RPS28: variants seen among roughly 807,000 people sequenced by gnomAD.
The protein encoded by RPS28 is ribosomal protein S28.
A neutral mutation model predicts 9.4 loss-of-function variants in RPS28; 2 were observed. The ratio of observed to expected loss-of-function variants is 0.21; its 90% CI spans 0.09 to 0.67. The LOEUF (loss-of-function observed/expected upper bound fraction) is 0.67. Ranked by LOEUF, RPS28 falls within the 30% of genes least tolerant of loss-of-function variation. The probability of loss-of-function intolerance (pLI) is 0.82; values close to 1 mark genes in which losing one functional copy is unlikely to be tolerated. For missense variants in RPS28, 35 were observed against 95.3 expected, an observed-to-expected ratio of 0.37 and a Z score of 2.63; for synonymous variants, 41 against 37.8, an observed-to-expected ratio of 1.08 and a Z score of -0.31.
Position 8,321,968 on chromosome 19 carries a change from A to G in RPS28, c.103A>G (p.Met35Val), listed in dbSNP as rs1220090579. 6.2e-7 allele frequency: 1 copy of G among 1,610,512 alleles called. No homozygotes were observed. Residue 35 changes from methionine to valine, a missense_variant, in exon 3 of 4, where the codon ATG becomes GTG. Met to Val is a conservative substitution (Grantham distance 21). Around this residue, in one of 2 missense-constraint regions of RPS28, gnomAD observed 10 missense variants for 62.8 expected, o/e 0.16. Transcript: ENST00000600659. Reference protein sequence around the residue: ...GQCTQVRVEFMDDTSRSIIRN... With the variant: ...GQCTQVRVEFVDDTSRSIIRN... ...GGACCCGTAGGTGCGCGTGGAATTCATGGACGACACGAGCCGATCCATCAT... is the reference window on the plus strand; with the variant it reads ...GGACCCGTAGGTGCGCGTGGAATTCGTGGACGACACGAGCCGATCCATCAT...
chr19:8,322,433 TC>T lies in RPS28; in HGVS notation c.*180del, dbSNP rs2145405613. On this transcript the variant is annotated 3_prime_UTR_variant, in exon 4 of 4. Coordinates refer to ENST00000600659, the MANE Select transcript of RPS28 (RefSeq NM_001031.5). ...GTCTGGGTTATACGACTAGGGTTTC[TC>T]CAGGTTTCTTGAGTGGCTCCCAGGC... 2 of 539,804 alleles carry T rather than the reference TC, an allele frequency of 3.7e-6. No individual in the cohort carries two copies. Among genetic ancestry groups the T allele is most frequent in the East Asian group, 9.2e-5 (2 of 21,710 alleles). The allele number at this position is 539,804 out of a possible 1,614,324, so 33.4% of individuals were successfully genotyped here. A position where few individuals can be genotyped will look rare whatever the true frequency, so the allele number is the denominator to read the frequency against.
chr19:8,321,645 C>G lies in RPS28; in HGVS notation c.40-11C>G, dbSNP rs1451421367. The stretch of plus-strand genomic sequence containing the variant: ...AACGGGCCGGGTCTGAACCCAGCTT[C>G]TTTCCTCCAGGTCACCAAGGTCCTG... On this transcript the variant is annotated splice_polypyrimidine_tract_variant and intron_variant, in intron 1 of 3. Transcript: ENST00000600659. The G allele has an allele frequency of 6.4e-7, 1 of 1,556,198 alleles. No individual in the cohort carries two copies. Among genetic ancestry groups the G allele is most frequent in the Non-Finnish European group, 8.7e-7 (1 of 1,150,694 alleles).
At chr19:8,321,923 T>C (rs1301147457) in intron 2 of RPS28, 30 bp from the exon 3 acceptor site, 1 of 1,610,734 alleles carries the variant, frequency 6.2e-7, no homozygotes, top group East Asian at 2.2e-5. Flanking sequence ...CCGCCCTTAC[T>C]TCTTCCTCCA....
At position 8,322,755 on chromosome 19, in the gene RPS28, C is replaced by T; in HGVS notation, c.*500C>T. 2 of 1,055,434 alleles carry T rather than the reference C, an allele frequency of 1.9e-6. No individual in the cohort carries two copies. Among genetic ancestry groups the T allele is most frequent in the Non-Finnish European group, 1.4e-6 (1 of 701,522 alleles). 65.4% of individuals were successfully genotyped at this position (1,055,434 alleles called of 1,614,324 possible). A position where few individuals can be genotyped will look rare whatever the true frequency, so the allele number is the denominator to read the frequency against. ...AGTGTTAGCCTCTGAGCAGGGGACC[C>T]TGGACCCTTCTGTGCGCCAAAGGCT... On this transcript the variant is annotated 3_prime_UTR_variant, in exon 4 of 4. Coordinates refer to ENST00000600659, the MANE Select transcript of RPS28 (RefSeq NM_001031.5).
In RPS28 at chr19:8,322,377, G is replaced by A; in HGVS notation, c.*122G>A. On this transcript the variant is annotated 3_prime_UTR_variant, in exon 4 of 4. Transcript: ENST00000600659. Reference sequence around the variant, plus strand: ...TAACTGAGATGCTCCTTTAAATAAAGCGTTTGTGTTTCAAGTTAACTCAGG... The same window carrying A: ...TAACTGAGATGCTCCTTTAAATAAAACGTTTGTGTTTCAAGTTAACTCAGG... The A allele has an allele frequency of 1.7e-6, 1 of 587,768 alleles. No individual in the cohort carries two copies. The highest frequency in any genetic ancestry group is 1.8e-5 in the African/African-American group (1 of 54,618). 36.4% of individuals were successfully genotyped at this position (587,768 alleles called of 1,614,324 possible).
Position 8,322,899 on chromosome 19 carries a change from C to G in RPS28, c.*644C>G, listed in dbSNP as rs753750184. The G allele has an allele frequency of 6.4e-7, 1 of 1,554,984 alleles. No homozygotes were observed. Among genetic ancestry groups the G allele is most frequent in the East Asian group, 2.4e-5 (1 of 42,430 alleles). On this transcript the variant is annotated 3_prime_UTR_variant, in exon 4 of 4. Transcript: ENST00000600659. ...ATTCTCCTTCACCAGGTGTGGCTGTCTGGGAGCCAGGGGGTGACTCGCTCT... is the reference window on the plus strand; with the variant it reads ...ATTCTCCTTCACCAGGTGTGGCTGTGTGGGAGCCAGGGGGTGACTCGCTCT...
Position 8,322,326 on chromosome 19 carries a change from T to G in RPS28, c.*71T>G, listed in dbSNP as rs914966744. On this transcript the variant is annotated 3_prime_UTR_variant, in exon 4 of 4. Transcript: ENST00000600659. ...CCGATGGGAATGGTCTGTCACAGTC[T>G]GCTCCTTTTTTTTGTCCGCCACACG... The G allele has an allele frequency of 4.5e-6, 3 of 660,062 alleles. No homozygotes were observed. The Admixed American group carries it at 6.2e-5, about 14-fold the overall frequency. 40.9% of individuals were successfully genotyped at this position (660,062 alleles called of 1,614,324 possible).
rs17160415 is a variant in RPS28, at chr19:8,321,804, C to G, written c.87+101C>G. The G allele has an allele frequency of 2.6e-4, 391 of 1,507,104 alleles. 4 individuals are homozygous for G. The East Asian group carries it at 8.9e-3, about 34-fold the overall frequency. The allele number at this position is 1,507,104 out of a possible 1,614,324, so 93.4% of individuals were successfully genotyped here. ...GCCAGCCGGAATCCGGGAGCCGATT[C>G]TCATTTCATCACGGGGTTCTGATGG... On this transcript the variant is annotated intron_variant, in intron 2 of 3. Transcript: ENST00000600659.
In RPS28 at chr19:8,323,019, C is replaced by T; in HGVS notation, c.*764C>T. On this transcript the variant is annotated 3_prime_UTR_variant, in exon 4 of 4. Transcript: ENST00000600659. ...CCTCACTTAGTGGAGGTTCTTTTAC[C>T]ATGGACCCAGGCTGCCTGGTTTGTA... The T allele has an allele frequency of 1.4e-6, 1 of 690,682 alleles. No homozygotes were observed. Among genetic ancestry groups the T allele is most frequent in the East Asian group, 3.1e-5 (1 of 32,092 alleles). 42.8% of individuals were successfully genotyped at this position (690,682 alleles called of 1,614,324 possible).
In RPS28 at chr19:8,322,863, A is replaced by G. The variant is rs1232668327; in HGVS notation, c.*608A>G. The G allele has an allele frequency of 1.3e-6, 2 of 1,597,312 alleles. No individual in the cohort carries two copies. The highest frequency in any genetic ancestry group is 1.1e-5 in the South Asian group (1 of 89,180). On this transcript the variant is annotated 3_prime_UTR_variant, in exon 4 of 4. Coordinates refer to ENST00000600659, the MANE Select transcript of RPS28 (RefSeq NM_001031.5). ...CTTACTGAACCTGGGGGTTCTCTCCATTGTCACCGCATTCTCCTTCACCAG... is the reference window on the plus strand; with the variant it reads ...CTTACTGAACCTGGGGGTTCTCTCCGTTGTCACCGCATTCTCCTTCACCAG...
At position 8,322,938 on chromosome 19, in the gene RPS28, A is replaced by G; in HGVS notation, c.*683A>G. The G allele has an allele frequency of 1.4e-6, 2 of 1,399,546 alleles. No individual in the cohort carries two copies. The highest frequency in any genetic ancestry group is 1.9e-6 in the Non-Finnish European group (2 of 1,037,622). 86.7% of individuals were successfully genotyped at this position (1,399,546 alleles called of 1,614,324 possible). A position where few individuals can be genotyped will look rare whatever the true frequency, so the allele number is the denominator to read the frequency against. On this transcript the variant is annotated 3_prime_UTR_variant, in exon 4 of 4. Transcript: ENST00000600659. ...GTGACTCGCTCTGGAGAGAGGGGAA[A>G]AGAGGGGGGCCTGCTGCAATCTCCT...
chr19:8,321,692 C>T lies in RPS28; in HGVS notation c.76C>T (p.Gln26Ter). The T allele has an allele frequency of 6.4e-7, 1 of 1,564,254 alleles. No homozygotes were observed. The highest frequency in any genetic ancestry group is 8.7e-7 in the Non-Finnish European group (1 of 1,154,220). The change falls in exon 2 of 4, where the codon CAG becomes TAG. Residue 26 changes from glutamine (Q) to a stop codon, truncating the protein, a stop_gained. Coordinates refer to ENST00000600659, the MANE Select transcript of RPS28 (RefSeq NM_001031.5). LOFTEE classifies it high-confidence loss of function. ...CCTGGGCAGGACCGGTTCTCAGGGA[C>T]AGTGCACGCAGGTAATCGGGTGGGG... is the stretch of plus-strand genomic sequence containing the variant. ...KVLGRTGSQG[Q>*]CTQVRVEFMD... is the part of the protein sequence containing the mutation.
chr19:8,321,775 C>T (rs954058660), intron 2 of RPS28, 72 bp downstream of exon 2: 3 of 1,520,518 alleles, frequency 2.0e-6, no homozygotes, highest in Non-Finnish European at 2.7e-6. Context: ...CTGCCCTAAC[C>T]CCTGCCAGCC....
At chr19:8,322,149 G>C in intron 3 of RPS28, 58 bp downstream of exon 3, 1 of 1,572,436 alleles carries the variant, frequency 6.4e-7, no homozygotes, top group Non-Finnish European at 8.7e-7. Context: ...GGGAGGCTTC[G>C]TTAAGCCCAG....
rs528844612 is a variant in RPS28 at position 8,322,629 on chromosome 19, A to T, written c.*374A>T. 23 of 592,892 alleles carry T rather than the reference A, an allele frequency of 3.9e-5. No individual in the cohort carries two copies. The East Asian group carries it at 6.5e-4, about 17-fold the overall frequency. 36.7% of individuals were successfully genotyped at this position (592,892 alleles called of 1,614,324 possible). ...CAAAGAAGTTTCAGAGAGTGGGTGGATCAGGGCTCTATCACTTGGTCCCCA... is the reference window on the plus strand; with the variant it reads ...CAAAGAAGTTTCAGAGAGTGGGTGGTTCAGGGCTCTATCACTTGGTCCCCA... On this transcript the variant is annotated 3_prime_UTR_variant, in exon 4 of 4. Coordinates refer to ENST00000600659, the MANE Select transcript of RPS28 (RefSeq NM_001031.5).
At chr19:8,322,200 G>A (rs1970328748) in intron 3 of RPS28, 72 bp from the exon 4 acceptor site, 1 of 1,241,422 alleles carries the variant, frequency 8.1e-7, no homozygotes, top group Non-Finnish European at 1.2e-6. Flanking sequence ...TACAGAGACT[G>A]ACAAGAGGGA....
chr19:8,321,833 C>T (rs1485446124), intron 2 of RPS28, 120 bp from the exon 3 acceptor site: 6 of 1,513,512 alleles, frequency 4.0e-6, no homozygotes, highest in Non-Finnish European at 5.4e-6. Context: ...CTGATGGTTC[C>T]CTTTAACGAT....
rs746583109 is a variant in RPS28, at chr19:8,321,505, C to T, written c.-26C>T. The T allele has an allele frequency of 5.7e-6, 9 of 1,571,644 alleles. No individual in the cohort carries two copies. In the East Asian group the frequency reaches 9.3e-5, roughly 16 times the overall value. On this transcript the variant is annotated 5_prime_UTR_variant, in exon 1 of 4. Transcript: ENST00000600659. ...CTCCCCGAAGCACGTGACTCCTCTC[C>T]GCCAGACCGCCGCCGCGCCGCCATC...
chr19:8,321,693 A>C lies in RPS28; in HGVS notation c.77A>C (p.Gln26Pro). The C allele has an allele frequency of 6.4e-7, 1 of 1,564,374 alleles. No homozygotes were observed. The highest frequency in any genetic ancestry group is 8.7e-7 in the Non-Finnish European group (1 of 1,154,206). Residue 26 changes from glutamine to proline, a missense_variant, in exon 2 of 4, where the codon CAG becomes CCG. Around this residue, in one of 2 missense-constraint regions of RPS28, gnomAD observed 25 missense variants for 32.5 expected, o/e 0.77. Transcript: ENST00000600659. ...KVLGRTGSQG[Q>P]CTQVRVEFMD... ...CTGGGCAGGACCGGTTCTCAGGGAC[A>C]GTGCACGCAGGTAATCGGGTGGGGG...
Sources: allele counts gnomAD v4.1 joint callset, GRCh38; gene constraint gnomAD v4.1.1; regional missense constraint gnomAD v4.1.1; transcripts MANE v1.5; gene names NCBI Gene and HGNC (gene_info 2026-07-23, HGNC 2026-07-21).